The following GBP7 variants were observed in gnomAD, a reference collection of about 807,000 sequenced individuals.
GBP7 encodes the protein guanylate-binding protein 7.
In GBP7, 43 loss-of-function variants were observed where a neutral mutation model predicts 61.3. That is an observed-to-expected ratio of 0.70 (90% CI 0.55 to 0.91). The LOEUF is 0.91. GBP7 is among the 40% of genes least tolerant of loss of function. The pLI is 0.00. For missense variants in GBP7, 717 were observed against 740.5 expected (o/e 0.97, Z 0.37); for synonymous variants, 267 against 271.0 (o/e 0.99, Z 0.14).
chr1:89,166,129 T>C (rs1647430286), intron 2 of GBP7, among the ~76,000 whole-genome samples: 1 of 152,162 alleles, frequency 6.6e-6, no homozygotes, highest in Non-Finnish European at 1.5e-5. Context: ...AGACACAAAC[T>C]AAGATACCTG....
At position 89,164,766 on chromosome 1, in the gene GBP7, G is replaced by T; in HGVS notation, c.283C>A (p.Leu95Ile). Reference protein sequence around the residue: ...HPSKPNHTLILLDTEGLGDME... With the variant: ...HPSKPNHTLIILDTEGLGDME... ...TCACCCAGGCCCTCCGTGTCCAGAA[G>T]GATCAGGGTGTGGTTTGGCTTGGAG... Residue 95 changes from leucine to isoleucine, a missense_variant, in exon 3 of 11, where the codon CTT becomes ATT. Transcript: ENST00000294671. 6.2e-7 allele frequency: 1 copy of T among 1,613,978 alleles called. No homozygotes were observed. The highest frequency in any genetic ancestry group is 8.5e-7 in the Non-Finnish European group (1 of 1,179,892).
chr1:89,150,281 T>G, intron 6 of GBP7, 49 bp downstream of exon 6: 290 of 1,541,298 alleles, frequency 1.9e-4, no homozygotes, highest in Non-Finnish European at 2.4e-4. Flanking sequence ...TACTAGTTTT[T>G]GAGATACAGT....
Position 89,152,646 on chromosome 1 carries a change from T to A in GBP7, c.428+22A>T, listed in dbSNP as rs200496843. On this transcript the variant is annotated intron_variant, in intron 4 of 10. Transcript: ENST00000294671. ...TCCCCTAAACTCCATAAAACCTGGC[T>A]CTTCACTTCCTGGAAGGATACTGCA... 78 of 1,604,966 alleles carry A rather than the reference T, an allele frequency of 4.9e-5. No homozygotes were observed. In the Admixed American group the frequency reaches 1.3e-3, roughly 26 times the overall value.
chr1:89,157,709 T>C (rs752543926), intron 3 of GBP7, among the ~76,000 whole-genome samples: 7 of 151,812 alleles, frequency 4.6e-5, no homozygotes, highest in Non-Finnish European at 8.8e-5. Context: ...GAGGCAATAA[T>C]TAATAGCCTC....
At chr1:89,156,931 CA>C in intron 3 of GBP7, among the ~76,000 whole-genome samples, 1 of 152,276 alleles carries the variant, frequency 6.6e-6, no homozygotes, top group East Asian at 1.9e-4. Context: ...GCACTTATTC[CA>C]AAATGGACCA....
At chr1:89,156,526 AAAAC>A (rs1253196852) in intron 3 of GBP7, among the ~76,000 whole-genome samples, 1 of 152,192 alleles carries the variant, frequency 6.6e-6, no homozygotes, top group African/African-American at 2.4e-5. Flanking sequence ...AAGCAAATGG[AAAAC>A]AAACAAAAAA....
chr1:89,145,229 G>A (rs563168035), intron 8 of GBP7, among the ~76,000 whole-genome samples: 1 of 152,228 alleles, frequency 6.6e-6, no homozygotes, highest in East Asian at 1.9e-4. Flanking sequence ...GGGATTAGAG[G>A]TGTGAGCCAC....
At chr1:89,135,781 C>T (rs970978990) in intron 9 of GBP7, among the ~76,000 whole-genome samples, 2 of 151,870 alleles carry the variant, frequency 1.3e-5, no homozygotes, top group African/African-American at 2.4e-5. Context: ...AGCAATAACA[C>T]AATCAAGTGT....
chr1:89,165,765 T>C (rs1377081965), intron 2 of GBP7, among the ~76,000 whole-genome samples: 1 of 151,158 alleles, frequency 6.6e-6, no homozygotes, highest in East Asian at 1.9e-4. Flanking sequence ...ACAGGGCCTG[T>C]TGGGGGGTGG....
intron 9 of GBP7, among the ~76,000 whole-genome samples, chr1:89,137,510 T>C (rs1365944166): frequency 6.6e-6 from 1 of 152,126 alleles, no homozygotes; most frequent in Admixed American, 6.5e-5. Context: ...CATATGCTAA[T>C]AATAAATTGA....
intron 3 of GBP7, among the ~76,000 whole-genome samples, chr1:89,161,620 A>AT (rs1019922360): frequency 4.0e-4 from 59 of 148,492 alleles, no homozygotes; most frequent in Admixed American, 1.7e-3. Flanking sequence ...TTTTTAATGT[A>AT]TTTTTTTGTG....
intron 3 of GBP7, among the ~76,000 whole-genome samples, chr1:89,157,210 T>C (rs1682337004): frequency 6.6e-6 from 1 of 152,150 alleles, no homozygotes; most frequent in South Asian, 2.1e-4. Flanking sequence ...AAGAAGTGTG[T>C]AGAGGGAAAT....
At chr1:89,169,395 G>A (rs1030279524) in intron 2 of GBP7, among the ~76,000 whole-genome samples, 13 of 152,118 alleles carry the variant, frequency 8.5e-5, no homozygotes, top group African/African-American at 3.1e-4. Context: ...ATCAGGCTTT[G>A]TTTGATGAGG....
intron 8 of GBP7, among the ~76,000 whole-genome samples, chr1:89,141,905 C>A (rs1271105617): frequency 6.6e-6 from 1 of 152,154 alleles, no homozygotes; most frequent in Non-Finnish European, 1.5e-5. Flanking sequence ...CCACCCACCC[C>A]CGGTGCAGAC....
At chr1:89,140,435 T>TATA (rs1205772458) in intron 9 of GBP7, among the ~76,000 whole-genome samples, 1 of 124,166 alleles carries the variant, frequency 8.1e-6, no homozygotes, top group Admixed American at 8.6e-5. Flanking sequence ...AAACTTAAAG[T>TATA]ATAATAATAA....
chr1:89,171,580 T>A (rs1647600606), intron 2 of GBP7, among the ~76,000 whole-genome samples, 166 bp downstream of exon 2: 1 of 151,482 alleles, frequency 6.6e-6, no homozygotes, highest in Non-Finnish European at 1.5e-5. Flanking sequence ...AAGAGTCAGT[T>A]GACTCCAATC....
At position 89,159,895 on chromosome 1, in the gene GBP7, T is replaced by G. The variant is rs148463853; in HGVS notation, c.318+4836A>C. 6.1e-3 allele frequency among the ~76,000 whole-genome samples: 929 copies of G among 152,274 alleles called. 8 individuals carry two copies. The highest frequency in any genetic ancestry group is 9.7e-3 in the Non-Finnish European group (660 of 68,016). Reference sequence around the variant, plus strand: ...CAAAGGATTATAAATCACGCTACTATAAAGACACATGCACACGTATGTTTA... The same window carrying G: ...CAAAGGATTATAAATCACGCTACTAGAAAGACACATGCACACGTATGTTTA... On this transcript the variant is annotated intron_variant, in intron 3 of 10. Coordinates refer to ENST00000294671, the MANE Select transcript of GBP7 (RefSeq NM_207398.3).
At chr1:89,137,618 T>C (rs1681837912) in intron 9 of GBP7, among the ~76,000 whole-genome samples, 1 of 151,928 alleles carries the variant, frequency 6.6e-6, no homozygotes, top group Admixed American at 6.6e-5. Context: ...TGTTAAAATA[T>C]CTCAACAAAC....
rs374574655 is a variant in GBP7, at chr1:89,133,263, T to C, written c.1657A>G (p.Met553Val). The change falls in exon 10 of 11, where the codon ATG becomes GTG. Residue 553 changes from methionine (M) to valine (V), a missense_variant. Coordinates refer to ENST00000294671, the MANE Select transcript of GBP7 (RefSeq NM_207398.3). Reference sequence around the variant, plus strand: ...CAAGCTTCATCCAGACTCACCTTCATCTTGTGACTCAACATCTTTCTCAGT... The same window carrying C: ...CAAGCTTCATCCAGACTCACCTTCACCTTGTGACTCAACATCTTTCTCAGT... Reference protein sequence around the residue: ...RELRKMLSHKMKVLEELLTEG... With the variant: ...RELRKMLSHKVKVLEELLTEG... 53 of 1,599,986 alleles carry C rather than the reference T, an allele frequency of 3.3e-5. No individual in the cohort carries two copies. In the African/African-American group the frequency reaches 6.9e-4, roughly 21 times the overall value.
Sources: allele counts gnomAD v4.1 joint callset (sites outside exome capture counted in the v4.1 genomes callset), GRCh38; gene constraint gnomAD v4.1.1; transcripts MANE v1.5; gene names NCBI Gene and HGNC (gene_info 2026-07-23, HGNC 2026-07-21).